The following KRT8 variants were observed in gnomAD, a reference collection of about 807,000 sequenced individuals.
The protein encoded by KRT8 is keratin, type II cytoskeletal 8.
In KRT8, 24 loss-of-function variants were observed where a neutral mutation model predicts 43.0. The ratio of observed to expected loss-of-function variants is 0.56; its 90% CI spans 0.40 to 0.78. The LOEUF (loss-of-function observed/expected upper bound fraction) is 0.78, where lower values mean the gene tolerates loss of function less well. KRT8 is among the 30% of genes least tolerant of loss of function. The pLI is 0.00. For missense variants in KRT8, 492 were observed against 638.4 expected (o/e 0.77, Z 2.47); for synonymous variants, 214 against 261.2 (o/e 0.82, Z 1.74).
chr12:52,914,171 CAA>C (rs796931035), intron 2 of KRT8, among the ~76,000 whole-genome samples: 3 of 150,874 alleles, frequency 2.0e-5, no homozygotes, highest in Admixed American at 6.6e-5. Context: ...TGCAGTGAGC[CAA>C]GACTGCCCTA....
intron 1 of KRT8, among the ~76,000 whole-genome samples, chr12:52,903,220 G>C (rs1941418643): frequency 6.6e-6 from 1 of 152,130 alleles, no homozygotes. Flanking sequence ...ACATATGTAA[G>C]TTTGAATAGG....
intron 6 of KRT8, 60 bp downstream of exon 6, chr12:52,898,619 G>A (rs772318889): frequency 1.8e-4 from 285 of 1,611,714 alleles, no homozygotes; most frequent in South Asian, 5.5e-5. Context: ...GGCTCCCACC[G>A]TCCCCACCCC....
intron 2 of KRT8, among the ~76,000 whole-genome samples, chr12:52,943,821 C>G (rs572048327): frequency 5.3e-5 from 8 of 152,356 alleles, no homozygotes; most frequent in African/African-American, 1.9e-4. Flanking sequence ...GCTGGCAGAA[C>G]CTGCCCAGCC....
At chr12:52,944,826 T>C (rs1277231644) in intron 2 of KRT8, among the ~76,000 whole-genome samples, 1 of 152,176 alleles carries the variant, frequency 6.6e-6, no homozygotes, top group African/African-American at 2.4e-5. Flanking sequence ...GAGAACCCGT[T>C]CCCACCTCCA....
intron 2 of KRT8, among the ~76,000 whole-genome samples, chr12:52,938,660 G>C (rs532333461): frequency 6.7e-6 from 1 of 150,000 alleles, no homozygotes; most frequent in Admixed American, 6.7e-5. Flanking sequence ...CTCTGTCGCC[G>C]AGGCTGGAGT....
chr12:52,917,558 A>C (rs1271200933), intron 2 of KRT8, among the ~76,000 whole-genome samples: 1 of 144,380 alleles, frequency 6.9e-6, no homozygotes, highest in African/African-American at 2.6e-5. Context: ...AAATATAAAA[A>C]AGTAGCTGGG....
At position 52,919,561 on chromosome 12, in the gene KRT8, C is replaced by G. The variant is rs975477308; in HGVS notation, c.-46-14534G>C. ...GGGATTACAGGTGTGAGCCACCATGCCCAGCCATGGCTTTCATTTTCAGGG... is the reference window on the plus strand; with the variant it reads ...GGGATTACAGGTGTGAGCCACCATGGCCAGCCATGGCTTTCATTTTCAGGG... On this transcript the variant is annotated intron_variant, in intron 2 of 6. Coordinates refer to the KRT8 transcript ENST00000546826. Among the ~76,000 whole-genome samples, 18 of 152,080 alleles carry G rather than the reference C, an allele frequency of 1.2e-4. 1 individual carries two copies. Among genetic ancestry groups the G allele is most frequent in the Admixed American group, 1.2e-3 (18 of 15,266 alleles).
At chr12:52,899,027 A>T (rs978169212) in intron 5 of KRT8, 128 bp from the exon 6 acceptor site, 1 of 829,628 alleles carries the variant, frequency 1.2e-6, no homozygotes, top group Non-Finnish European at 2.0e-6. Flanking sequence ...ATTAAATGAG[A>T]CTAAGGGCCG....
intron 2 of KRT8, chr12:52,946,477 GGTCTTACT>G (rs1942345488): frequency 6.6e-6 from 1 of 152,176 alleles, no homozygotes; most frequent in Non-Finnish European, 1.5e-5. Flanking sequence ...AGACTGGACA[GGTCTTACT>G]GTTTTCCCTG....
chr12:52,897,679 C>A, intron 7 of KRT8, 61 bp from the exon 8 acceptor site: 2 of 1,595,796 alleles, frequency 1.3e-6, no homozygotes, highest in Non-Finnish European at 1.7e-6. Context: ...AGGCTCCATG[C>A]CCCTTCTCCC....
At chr12:52,948,933 T>C (rs1453263959) in intron 2 of KRT8, 1 of 400,242 alleles carries the variant, frequency 2.5e-6, no homozygotes, top group Non-Finnish European at 4.3e-6. Context: ...ACCCCGTTTC[T>C]GGGGGGTGAG....
At chr12:52,942,278 G>C (rs1318953359) in intron 2 of KRT8, among the ~76,000 whole-genome samples, 1 of 152,158 alleles carries the variant, frequency 6.6e-6, no homozygotes, top group Non-Finnish European at 1.5e-5. Context: ...CTGGAGATCA[G>C]AGAAGCTCGC....
upstream of KRT8, chr12:52,907,010 A>C (rs1941535297): frequency 7.3e-6 from 2 of 275,684 alleles, no homozygotes; most frequent in Non-Finnish European, 1.5e-5. Flanking sequence ...ACACACACAC[A>C]CACCCCACAC....
At chr12:52,906,618 C>T, upstream of KRT8, 1 of 446,504 alleles carries the variant, frequency 2.2e-6, no homozygotes, top group Non-Finnish European at 4.5e-6. Context: ...AGGTTTAGGT[C>T]CCCAAGGCAG....
At chr12:52,914,993 A>G (rs1941706805) in intron 2 of KRT8, among the ~76,000 whole-genome samples, 1 of 152,148 alleles carries the variant, frequency 6.6e-6, no homozygotes, top group Non-Finnish European at 1.5e-5. Context: ...GGAATAGAAT[A>G]CTATCATGTT....
chr12:52,908,880 C>G (rs1445167908), upstream of KRT8, among the ~76,000 whole-genome samples: 1 of 152,210 alleles, frequency 6.6e-6, no homozygotes, highest in African/African-American at 2.4e-5. Flanking sequence ...GCGGCACACG[C>G]CTGTAGTCCC....
At chr12:52,920,428 T>A (rs1285714957) in intron 2 of KRT8, among the ~76,000 whole-genome samples, 1 of 151,686 alleles carries the variant, frequency 6.6e-6, no homozygotes, top group African/African-American at 2.4e-5. Context: ...AGAAACCCCA[T>A]CTCTACTAAA....
At chr12:52,907,459 A>G (rs932926840), upstream of KRT8, among the ~76,000 whole-genome samples, 1 of 152,160 alleles carries the variant, frequency 6.6e-6, no homozygotes, top group Non-Finnish European at 1.5e-5. Flanking sequence ...GTCCTGATCT[A>G]GGCAGCACAA....
intron 2 of KRT8, among the ~76,000 whole-genome samples, chr12:52,943,337 C>A (rs543696607): frequency 3.0e-4 from 45 of 152,348 alleles, no homozygotes; most frequent in African/African-American, 1.0e-3. Context: ...CTCAGCCTCC[C>A]TGATCCTTTT....
Sources: allele counts gnomAD v4.1 joint callset (sites outside exome capture counted in the v4.1 genomes callset), GRCh38; gene constraint gnomAD v4.1.1; transcripts MANE v1.5; gene names NCBI Gene and HGNC (gene_info 2026-07-23, HGNC 2026-07-21).